MRTFA: variants seen among roughly 807,000 people sequenced by gnomAD.
MRTFA encodes myocardin-related transcription factor A.
Under a neutral mutation model 83.5 loss-of-function variants are expected in MRTFA, and 20 were observed. The observed-to-expected ratio is 0.24, with a 90% CI of 0.17 to 0.35. The LOEUF is 0.35. Ranked by LOEUF, MRTFA falls within the 10% of genes least tolerant of loss-of-function variation. MRTFA has a pLI of 1.00. For missense variants in MRTFA, 1,200 were observed against 1,224.7 expected (o/e 0.98, Z 0.30); for synonymous variants, 659 against 541.2 (o/e 1.22, Z -3.02).
chr22:40,443,737 G>A (rs947097294), intron 4 of MRTFA, among the ~76,000 whole-genome samples: 1 of 152,186 alleles, frequency 6.6e-6, no homozygotes, highest in African/African-American at 2.4e-5. Flanking sequence ...TTGCAAGGGT[G>A]TAATGAGATG....
chr22:40,470,262 T>C (rs1433579773), intron 3 of MRTFA, among the ~76,000 whole-genome samples: 6 of 80,890 alleles, frequency 7.4e-5, no homozygotes, highest in Admixed American at 5.3e-4. Flanking sequence ...TATATATATA[T>C]ATATATATAT....
At chr22:40,450,241 T>C (rs898695347) in intron 4 of MRTFA, among the ~76,000 whole-genome samples, 19 of 152,150 alleles carry the variant, frequency 1.2e-4, no homozygotes, top group African/African-American at 4.3e-4. Flanking sequence ...AGATTCCCTA[T>C]GAAGAATATA....
At chr22:40,432,947 G>A (rs2147096914) in intron 5 of MRTFA, among the ~76,000 whole-genome samples, 1 of 152,302 alleles carries the variant, frequency 6.6e-6, no homozygotes, top group East Asian at 1.9e-4. Flanking sequence ...TCTGACCAGT[G>A]GCCATGACTG....
chr22:40,632,393 T>G (rs1349001082), intron 1 of MRTFA, among the ~76,000 whole-genome samples: 1 of 151,788 alleles, frequency 6.6e-6, no homozygotes, highest in African/African-American at 2.4e-5. Context: ...AAGCAATTCT[T>G]ATGCCTCAGC....
intron 2 of MRTFA, among the ~76,000 whole-genome samples, chr22:40,575,056 G>A (rs930116585): frequency 6.6e-6 from 1 of 152,194 alleles, no homozygotes; most frequent in Admixed American, 6.5e-5. Context: ...TAGAAAAGTA[G>A]CATGGGCTTA....
chr22:40,535,356 T>TTC lies in MRTFA; in HGVS notation c.241+16749_241+16750insGA, dbSNP rs1415381801. On this transcript the variant is annotated intron_variant, in intron 3 of 14. Transcript: ENST00000355630. ...TGTGTGAGAGGTTTTTTCTTTTTTT[T>TTC]TTTTTTTTTCTTTTTGAGACTAGGT... 3.7e-5 allele frequency among the ~76,000 whole-genome samples: 5 copies of TTC among 136,640 alleles called. 1 individual carries two copies. The South Asian group carries it at 1.1e-3, about 31-fold the overall frequency. The allele number at this position is 136,640 out of a possible 152,430, so 89.6% of individuals were successfully genotyped here. A position where few individuals can be genotyped will look rare whatever the true frequency, so the allele number is the denominator to read the frequency against.
chr22:40,521,427 T>C (rs543195251), intron 3 of MRTFA, among the ~76,000 whole-genome samples: 1 of 152,266 alleles, frequency 6.6e-6, no homozygotes, highest in African/African-American at 2.4e-5. Context: ...TCAGGGTGTT[T>C]TATTTCTAAA....
chr22:40,632,544 T>C (rs2056653426), intron 1 of MRTFA, among the ~76,000 whole-genome samples: 1 of 152,178 alleles, frequency 6.6e-6, no homozygotes, highest in Non-Finnish European at 1.5e-5. Flanking sequence ...CAAGTGATTC[T>C]CATGCCTTAG....
At position 40,411,205 on chromosome 22, in the gene MRTFA, T is replaced by C; in HGVS notation, c.*185A>G. On this transcript the variant is annotated 3_prime_UTR_variant, in exon 15 of 15. Coordinates refer to ENST00000355630, the MANE Select transcript of MRTFA (RefSeq NM_020831.6). Reference sequence around the variant, plus strand: ...CTGCTTCTTGACAGCTGCTCTCCTCTGCCCTGCGTGGCACTGAACCAGGAG... The same window carrying C: ...CTGCTTCTTGACAGCTGCTCTCCTCCGCCCTGCGTGGCACTGAACCAGGAG... 1.8e-6 allele frequency: 1 copy of C among 567,160 alleles called. No individual in the cohort carries two copies. Among genetic ancestry groups the C allele is most frequent in the Admixed American group, 3.3e-5 (1 of 29,852 alleles). 35.1% of individuals were successfully genotyped at this position (567,160 alleles called of 1,614,324 possible). A position where few individuals can be genotyped will look rare whatever the true frequency, so the allele number is the denominator to read the frequency against.
intron 2 of MRTFA, among the ~76,000 whole-genome samples, chr22:40,571,258 C>T (rs1455472856): frequency 6.6e-6 from 1 of 151,918 alleles, no homozygotes. Context: ...TCACACCATA[C>T]ACAAACATTA....
intron 2 of MRTFA, chr22:40,587,874 TG>T: frequency 2.4e-6 from 1 of 417,316 alleles, no homozygotes. Context: ...TTGTGCAAGT[TG>T]GTGTGAACAA....
At chr22:40,513,921 A>C (rs2054710800) in intron 3 of MRTFA, among the ~76,000 whole-genome samples, 1 of 151,822 alleles carries the variant, frequency 6.6e-6, no homozygotes, top group African/African-American at 2.4e-5. Flanking sequence ...ACATAGTGAG[A>C]GCCTGTCTCT....
intron 3 of MRTFA, among the ~76,000 whole-genome samples, chr22:40,504,288 A>G (rs545059624): frequency 2.6e-5 from 4 of 152,318 alleles, no homozygotes; most frequent in African/African-American, 9.6e-5. Flanking sequence ...TTAAGGCAGA[A>G]GGATCACCAG....
intron 3 of MRTFA, among the ~76,000 whole-genome samples, chr22:40,538,754 A>C (rs2055233609): frequency 6.6e-6 from 1 of 152,096 alleles, no homozygotes; most frequent in African/African-American, 2.4e-5. Flanking sequence ...TTTTGTGCAA[A>C]TTAGTAACAC....
chr22:40,437,795 C>T (rs2053200162), intron 4 of MRTFA, among the ~76,000 whole-genome samples: 1 of 150,272 alleles, frequency 6.7e-6, no homozygotes, highest in Non-Finnish European at 1.5e-5. Flanking sequence ...ATACTACATA[C>T]TTTTCTTGTT....
intron 4 of MRTFA, among the ~76,000 whole-genome samples, chr22:40,443,162 G>C (rs1416039379): frequency 6.6e-6 from 1 of 152,042 alleles, no homozygotes; most frequent in Non-Finnish European, 1.5e-5. Flanking sequence ...TGAGGCAGGA[G>C]AATTGCTTGA....
At chr22:40,563,135 C>T (rs996624397) in intron 2 of MRTFA, among the ~76,000 whole-genome samples, 2 of 152,124 alleles carry the variant, frequency 1.3e-5, no homozygotes, top group Non-Finnish European at 2.9e-5. Context: ...TCATTTCTCA[C>T]CATTCCCCTT....
chr22:40,547,701 A>G (rs1296186683), intron 3 of MRTFA, among the ~76,000 whole-genome samples: 1 of 152,056 alleles, frequency 6.6e-6, no homozygotes, highest in Non-Finnish European at 1.5e-5. Flanking sequence ...AAAATAATTT[A>G]AAAATCAGTC....
At chr22:40,521,877 G>C (rs1278340232) in intron 3 of MRTFA, 1 of 150,742 alleles carries the variant, frequency 6.6e-6, no homozygotes, top group African/African-American at 2.4e-5. Context: ...TTAAGACGGA[G>C]TCTTGTTCTG....
Sources: gnomAD v4.1 joint callset for allele counts (sites outside exome capture counted in the v4.1 genomes callset) on GRCh38, gnomAD v4.1.1 for gene constraint, MANE v1.5 for transcripts, NCBI Gene and HGNC (gene_info 2026-07-23, HGNC 2026-07-21) for gene names.